Variants in KIAA1217 observed in about 807,000 individuals in gnomAD.
KIAA1217 encodes KIAA1217, also known as sickle tail protein homolog.
A neutral mutation model predicts 163.9 loss-of-function variants in KIAA1217; 88 were observed. The ratio of observed to expected loss-of-function variants is 0.54; its 90% CI spans 0.45 to 0.64. The LOEUF is 0.64. Among genes scored for constraint, KIAA1217 ranks in the 30% least tolerant of loss-of-function variants. KIAA1217 has a pLI of 0.00. For missense variants in KIAA1217, 2,372 were observed against 2,475.0 expected (o/e 0.96, Z 0.88); for synonymous variants, 903 against 923.1 (o/e 0.98, Z 0.39).
At chr10:24,415,110 CTT>C (rs71397948) in intron 3 of KIAA1217, among the ~76,000 whole-genome samples, 4,287 of 120,058 alleles carry the variant, frequency 0.036, 112 homozygotes, top group African/African-American at 0.096. Flanking sequence ...TGATCTCTCT[CTT>C]TTTTTTTTTT....
intron 2 of KIAA1217, among the ~76,000 whole-genome samples, chr10:24,017,048 T>TG (rs990945366): frequency 1.6e-5 from 2 of 126,270 alleles, no homozygotes; most frequent in African/African-American, 5.3e-5. Flanking sequence ...TTGTTTTTTT[T>TG]TTTTTTTTTT....
At chr10:23,971,165 G>C (rs1475787571) in intron 1 of KIAA1217, among the ~76,000 whole-genome samples, 2 of 152,086 alleles carry the variant, frequency 1.3e-5, no homozygotes, top group Admixed American at 6.5e-5. Context: ...CCCTTGGGAG[G>C]GGCCGCGTGC....
At position 24,543,446 on chromosome 10, in the gene KIAA1217, C is replaced by T. The variant is rs2135483565; in HGVS notation, c.4176C>T (p.Val1392=). Residue 1392 remains valine, a synonymous_variant, in exon 19 of 21, where the codon GTC becomes GTT. Transcript: ENST00000376454. ...NIAFMITETT[V]QVLSSGEVHD... is the part of the protein sequence containing the mutation. The stretch of plus-strand genomic sequence containing the variant: ...CCTTCATGATTACCGAAACCACTGT[C>T]CAGGTTCTTTCCAGTGGGGAGGTGC... 1 of 1,614,082 alleles carries T rather than the reference C, an allele frequency of 6.2e-7. No individual in the cohort carries two copies. Among genetic ancestry groups the T allele is most frequent in the Non-Finnish European group, 8.5e-7 (1 of 1,179,992 alleles).
intron 2 of KIAA1217, among the ~76,000 whole-genome samples, chr10:24,052,003 G>T (rs1849550866): frequency 6.6e-6 from 1 of 151,990 alleles, no homozygotes; most frequent in African/African-American, 2.4e-5. Context: ...TTTACTTTTT[G>T]ATTCTTGGTC....
intron 6 of KIAA1217, among the ~76,000 whole-genome samples, chr10:24,475,422 A>G (rs578045995): frequency 6.6e-6 from 1 of 152,304 alleles, no homozygotes; most frequent in African/African-American, 2.4e-5. Flanking sequence ...TCTTTAGCAC[A>G]GTTTTATTAT....
chr10:24,415,172 T>C (rs1388027474), intron 3 of KIAA1217, among the ~76,000 whole-genome samples: 1 of 146,560 alleles, frequency 6.8e-6, no homozygotes, highest in African/African-American at 2.6e-5. Context: ...TGGAGCACAG[T>C]GGAGTGATCT....
intron 2 of KIAA1217, among the ~76,000 whole-genome samples, chr10:24,127,815 C>T (rs1209319835): frequency 6.6e-6 from 1 of 152,012 alleles, no homozygotes; most frequent in Non-Finnish European, 1.5e-5. Flanking sequence ...TTCACAATAC[C>T]CACTGTTGGA....
intron 1 of KIAA1217, among the ~76,000 whole-genome samples, chr10:23,720,329 A>T (rs973220599): frequency 6.6e-6 from 1 of 152,210 alleles, no homozygotes; most frequent in African/African-American, 2.4e-5. Context: ...TATGTGTGTC[A>T]CTTGATAAAA....
At chr10:24,542,621 G>T in intron 17 of KIAA1217, 72 bp from the exon 18 acceptor site, 2 of 1,583,888 alleles carry the variant, frequency 1.3e-6, no homozygotes, top group South Asian at 1.1e-5. Context: ...TTAAAGGAAC[G>T]ATTTAGTTAT....
chr10:23,927,313 A>G (rs1046153728), intron 1 of KIAA1217, among the ~76,000 whole-genome samples: 4 of 145,248 alleles, frequency 2.8e-5, no homozygotes, highest in African/African-American at 5.5e-5. Flanking sequence ...GGCTCACCCT[A>G]GCAAGTCATA....
chr10:24,015,011 T>C (rs1173070313), intron 2 of KIAA1217, among the ~76,000 whole-genome samples: 1 of 152,088 alleles, frequency 6.6e-6, no homozygotes, highest in African/African-American at 2.4e-5. Flanking sequence ...GTAGAGTAAA[T>C]GTTGGCCCTA....
At chr10:23,734,795 A>G (rs1320399310) in intron 1 of KIAA1217, among the ~76,000 whole-genome samples, 1 of 151,902 alleles carries the variant, frequency 6.6e-6, no homozygotes, top group East Asian at 1.9e-4. Flanking sequence ...CTGTTGAGAG[A>G]TCATGGCACA....
rs184783600 is a variant in KIAA1217, at chr10:24,043,458, G to A, written c.-171+36084G>A. 8.5e-5 allele frequency among the ~76,000 whole-genome samples: 13 copies of A among 152,262 alleles called. No individual in the cohort carries two copies. In the East Asian group the frequency reaches 1.7e-3, roughly 20 times the overall value. ...TTGTGCCCTGTACTATTTCGAAGAT[G>A]TAAGTATCTGTCTGGAAAATTTTAA... On this transcript the variant is annotated intron_variant, in intron 2 of 18. Transcript: ENST00000376462.
At chr10:24,312,860 G>A (rs2042887021) in intron 2 of KIAA1217, among the ~76,000 whole-genome samples, 1 of 152,102 alleles carries the variant, frequency 6.6e-6, no homozygotes, top group Admixed American at 6.5e-5. Context: ...GGGCTGCAGG[G>A]AGCCTTGATT....
intron 2 of KIAA1217, among the ~76,000 whole-genome samples, chr10:24,361,128 A>G (rs1305945143): frequency 1.3e-5 from 2 of 152,096 alleles, no homozygotes; most frequent in African/African-American, 4.8e-5. Context: ...TTCTAGGCAC[A>G]TAGACTCAAA....
Position 23,934,625 on chromosome 10 carries a change from A to ATTTT in KIAA1217, c.-320-72593_-320-72590dup, listed in dbSNP as rs1183009109. ...TATATATGTATATATATATATATAT[A>ATTTT]TTTTTTTTTTGAGACGGAGTCTCGC... On this transcript the variant is annotated intron_variant, in intron 1 of 18. Transcript: ENST00000376462. 3.2e-3 allele frequency among the ~76,000 whole-genome samples: 216 copies of ATTTT among 68,478 alleles called. 9 individuals carry two copies. Among genetic ancestry groups the ATTTT allele is most frequent in the African/African-American group, 0.014 (147 of 10,800 alleles). 44.9% of individuals were successfully genotyped at this position (68,478 alleles called of 152,430 possible). A position where few individuals can be genotyped will look rare whatever the true frequency, so the allele number is the denominator to read the frequency against.
At chr10:24,081,176 A>G (rs2061526117) in intron 2 of KIAA1217, among the ~76,000 whole-genome samples, 2 of 152,360 alleles carry the variant, frequency 1.3e-5, no homozygotes, top group South Asian at 2.1e-4. Flanking sequence ...ATAAGCCTGC[A>G]GTAGGATGTT....
At chr10:24,502,010 A>G (rs1047720846) in intron 9 of KIAA1217, among the ~76,000 whole-genome samples, 1 of 151,774 alleles carries the variant, frequency 6.6e-6, no homozygotes, top group African/African-American at 2.4e-5. Context: ...CGGCCTCCCA[A>G]AGTGCTGGGA....
At chr10:23,961,915 C>A (rs1844834840) in intron 1 of KIAA1217, among the ~76,000 whole-genome samples, 1 of 152,184 alleles carries the variant, frequency 6.6e-6, no homozygotes, top group Non-Finnish European at 1.5e-5. Flanking sequence ...GTACCTGTTT[C>A]TGTGTCTAAA....
Sources: gnomAD v4.1 joint callset for allele counts (sites outside exome capture counted in the v4.1 genomes callset) on GRCh38, gnomAD v4.1.1 for gene constraint, MANE v1.5 for transcripts, NCBI Gene and HGNC (gene_info 2026-07-23, HGNC 2026-07-21) for gene names.